Variants in LRRC41 observed in about 807,000 individuals in gnomAD.
LRRC41 encodes leucine-rich repeat-containing protein 41.
Under a neutral mutation model 72.1 loss-of-function variants are expected in LRRC41, and 17 were observed. That is an observed-to-expected ratio of 0.24 (90% CI 0.16 to 0.35). The LOEUF is 0.35. Ranked by LOEUF, LRRC41 falls within the 10% of genes least tolerant of loss-of-function variation. LRRC41 has a pLI of 1.00. For missense variants in LRRC41, 759 were observed against 1,065.0 expected (o/e 0.71, Z 4.00); for synonymous variants, 427 against 431.0 (o/e 0.99, Z 0.11).
In LRRC41 at chr1:46,278,775, T is replaced by C. The variant is rs759336899; in HGVS notation, c.*90A>G. 40 of 1,245,002 alleles carry C rather than the reference T, an allele frequency of 3.2e-5. No homozygotes were observed. Among genetic ancestry groups the C allele is most frequent in the African/African-American group, 7.5e-5 (5 of 66,978 alleles). The allele number at this position is 1,245,002 out of a possible 1,614,324, so 77.1% of individuals were successfully genotyped here. On this transcript the variant is annotated 3_prime_UTR_variant, in exon 10 of 10. Coordinates refer to ENST00000617190, the MANE Select transcript of LRRC41 (RefSeq NM_006369.5). ...AAAAAAGGTGACAGAAAGAGAAAGA[T>C]AGAACTGGTGGTTGGGGTTCTGGGC...
rs747263784 is a variant in LRRC41 at position 46,286,467 on chromosome 1, C to T, written c.390G>A (p.Glu130=). The T allele has an allele frequency of 8.1e-6, 13 of 1,603,160 alleles. No individual in the cohort carries two copies. The Admixed American group carries it at 2.2e-4, about 28-fold the overall frequency. Reference sequence around the variant, plus strand: ...CACGTAGAACATGGGAAAAAAAGGCCTCCATAAACTTGGCTCGCCAACATG... The same window carrying T: ...CACGTAGAACATGGGAAAAAAAGGCTTCCATAAACTTGGCTCGCCAACATG... ...SVTCWRAKFM[E]AFFSHVLRGT... Residue 130 remains glutamate, a synonymous_variant, in exon 4 of 10, where the codon GAG becomes GAA. Coordinates refer to ENST00000617190, the MANE Select transcript of LRRC41 (RefSeq NM_006369.5). This position sits in a 1 kb window ranked among gnomAD's most constrained non-coding sequence, Gnocchi z 5.5.
At chr1:46,280,159 A>C in intron 7 of LRRC41, 33 bp downstream of exon 7, 1 of 1,527,588 alleles carries the variant, frequency 6.5e-7, no homozygotes, top group Non-Finnish European at 9.1e-7. Context: ...GTGAAGACCC[A>C]GGAAATGTCC....
intron 3 of LRRC41, among the ~76,000 whole-genome samples, chr1:46,290,921 T>G (rs866932798): frequency 0.023 from 2,472 of 108,402 alleles, 57 homozygotes; most frequent in African/African-American, 0.058. Context: ...TTCTAGTTTT[T>G]TTTTTTTTTT....
At chr1:46,292,356 C>T (rs373892859) in intron 3 of LRRC41, among the ~76,000 whole-genome samples, 3 of 151,964 alleles carry the variant, frequency 2.0e-5, no homozygotes, top group East Asian at 3.9e-4. Flanking sequence ...CCTTGGTGTT[C>T]TAAAGTCTGG....
At chr1:46,281,035 TC>T in intron 5 of LRRC41, 89 bp downstream of exon 5, 1 of 1,532,198 alleles carries the variant, frequency 6.5e-7, no homozygotes, top group Non-Finnish European at 8.9e-7. Flanking sequence ...ATAGAAGAGG[TC>T]CTTCCCCTTT....
In LRRC41 at chr1:46,303,430, C is replaced by A. The variant is rs937275066; in HGVS notation, c.-108G>T. ...GATATGGGGAAGAATGTGAATTATT[C>A]TAAAGAAATTTCGAAGAAATTAGCA... On this transcript the variant is annotated 5_prime_UTR_variant, in exon 1 of 10. Coordinates refer to ENST00000617190, the MANE Select transcript of LRRC41 (RefSeq NM_006369.5). 4 of 1,115,268 alleles carry A rather than the reference C, an allele frequency of 3.6e-6. No homozygotes were observed. The African/African-American group carries it at 6.4e-5, about 18-fold the overall frequency. The allele number at this position is 1,115,268 out of a possible 1,614,324, so 69.1% of individuals were successfully genotyped here.
chr1:46,298,400 T>C (rs767526676), intron 1 of LRRC41, 30 bp from the exon 2 acceptor site: 1 of 1,413,428 alleles, frequency 7.1e-7, no homozygotes, highest in East Asian at 2.3e-5. Context: ...AGTTTACTTT[T>C]CCTCCCCTCC....
chr1:46,285,563 T>C lies in LRRC41; in HGVS notation c.1294A>G (p.Ile432Val), dbSNP rs769057289. 8.1e-6 allele frequency: 13 copies of C among 1,613,626 alleles called. No homozygotes were observed. In the South Asian group the frequency reaches 1.3e-4, roughly 16 times the overall value. The change falls in exon 4 of 10, where the codon ATT becomes GTT. Residue 432 changes from isoleucine to valine, a missense_variant. Physicochemically the swap from Ile to Val is conservative, Grantham distance 29. Coordinates refer to ENST00000617190, the MANE Select transcript of LRRC41 (RefSeq NM_006369.5). The surrounding 1 kb of genome is among the most constrained non-coding windows in gnomAD (Gnocchi z 5.3). The part of the protein sequence containing the change: ...GEKEDGEEME[I>V]GEVACGALDG... The stretch of plus-strand genomic sequence containing the variant: ...AAAGCTCCACAAGCCACTTCCCCAA[T>C]CTCCATCTCTTCGCCATCCTCCTTC...
At position 46,277,876 on chromosome 1, in the gene LRRC41, C is replaced by CTG; in HGVS notation, c.*987_*988dup. 1 of 1,613,918 alleles carries CTG rather than the reference C, an allele frequency of 6.2e-7. No homozygotes were observed. Among genetic ancestry groups the CTG allele is most frequent in the Non-Finnish European group, 8.5e-7 (1 of 1,179,840 alleles). On this transcript the variant is annotated 3_prime_UTR_variant, in exon 10 of 10. Coordinates refer to ENST00000617190, the MANE Select transcript of LRRC41 (RefSeq NM_006369.5). Reference sequence around the variant, plus strand: ...AGAGCCACAAGAAGGCACTGAGCAGCTGTGTGGTGGATGAGGAGCAGGATG... The same window carrying CTG: ...AGAGCCACAAGAAGGCACTGAGCAGCTGTGTGTGGTGGATGAGGAGCAGGATG...
Position 46,278,133 on chromosome 1 carries a change from T to C in LRRC41, c.*732A>G, listed in dbSNP as rs756966502. 1.2e-6 allele frequency: 2 copies of C among 1,613,836 alleles called. No individual in the cohort carries two copies. Among genetic ancestry groups the C allele is most frequent in the Non-Finnish European group, 8.5e-7 (1 of 1,179,938 alleles). On this transcript the variant is annotated 3_prime_UTR_variant, in exon 10 of 10. Transcript: ENST00000617190. ...CCGGCCACCCCCTGATGGTTCTGACTGCACTTCAGACCTGGCAGGGTGGAA... is the reference window on the plus strand; with the variant it reads ...CCGGCCACCCCCTGATGGTTCTGACCGCACTTCAGACCTGGCAGGGTGGAA...
chr1:46,280,050 G>A (rs2148311640), intron 7 of LRRC41, 142 bp downstream of exon 7: 3 of 666,396 alleles, frequency 4.5e-6, no homozygotes, highest in Middle Eastern at 7.0e-4. Flanking sequence ...GGGGCTTTTA[G>A]AAGGAAAATC....
chr1:46,289,518 T>C (rs769629267), intron 3 of LRRC41, among the ~76,000 whole-genome samples: 5 of 152,064 alleles, frequency 3.3e-5, no homozygotes, highest in Non-Finnish European at 7.4e-5. Context: ...TCCCAGCACT[T>C]TGGGAGGCCG....
At position 46,285,110 on chromosome 1, in the gene LRRC41, ATTCT is replaced by A; in HGVS notation, c.1495+248_1495+251del. The A allele has an allele frequency of 1.9e-6, 1 of 539,552 alleles. No homozygotes were observed. The highest frequency in any genetic ancestry group is 3.4e-6 in the Non-Finnish European group (1 of 297,346). The allele number at this position is 539,552 out of a possible 1,614,324, so 33.4% of individuals were successfully genotyped here. A position where few individuals can be genotyped will look rare whatever the true frequency, so the allele number is the denominator to read the frequency against. Reference sequence around the variant, plus strand: ...TGCCTTCCATATCTAAAATGTATTCATTCTTCAGATTCCAGCTGGCTTGTCTCAC... The same window carrying A: ...TGCCTTCCATATCTAAAATGTATTCATCAGATTCCAGCTGGCTTGTCTCAC... On this transcript the variant is annotated intron_variant, in intron 4 of 9. Coordinates refer to ENST00000617190, the MANE Select transcript of LRRC41 (RefSeq NM_006369.5). This position sits in a 1 kb window ranked among gnomAD's most constrained non-coding sequence, Gnocchi z 5.3.
At position 46,285,729 on chromosome 1, in the gene LRRC41, C is replaced by T; in HGVS notation, c.1128G>A (p.Arg376=). ...SASSSTSSYK[R]APASSAPQPK... ...GCTGTGGGGCTGAGCTAGCTGGTGCCCGTTTGTATGAGGATGTAGAAGAAG... is the reference window on the plus strand; with the variant it reads ...GCTGTGGGGCTGAGCTAGCTGGTGCTCGTTTGTATGAGGATGTAGAAGAAG... The change falls in exon 4 of 10, where the codon CGG becomes CGA. Residue 376 remains arginine, a synonymous_variant. Coordinates refer to ENST00000617190, the MANE Select transcript of LRRC41 (RefSeq NM_006369.5). The surrounding 1 kb of genome is among the most constrained non-coding windows in gnomAD (Gnocchi z 5.3). The T allele has an allele frequency of 2.5e-6, 4 of 1,607,786 alleles. No individual in the cohort carries two copies. The highest frequency in any genetic ancestry group is 3.4e-6 in the Non-Finnish European group (4 of 1,177,020).
At chr1:46,290,178 T>A (rs1660977545) in intron 3 of LRRC41, among the ~76,000 whole-genome samples, 1 of 152,156 alleles carries the variant, frequency 6.6e-6, no homozygotes. Context: ...GATGCCAAGG[T>A]GGGCAGATTG....
At chr1:46,301,787 C>A (rs1356359342) in intron 1 of LRRC41, among the ~76,000 whole-genome samples, 1 of 152,056 alleles carries the variant, frequency 6.6e-6, no homozygotes, top group African/African-American at 2.4e-5. Flanking sequence ...CCTGGTGGAA[C>A]CTCCCCCGCG....
Position 46,298,615 on chromosome 1 carries a change from T to C in LRRC41, c.200-245A>G, listed in dbSNP as rs974270050. 5.9e-5 allele frequency: 23 copies of C among 386,600 alleles called. No individual in the cohort carries two copies. The East Asian group carries it at 1.1e-3, about 18-fold the overall frequency. 23.9% of individuals were successfully genotyped at this position (386,600 alleles called of 1,614,324 possible). A position where few individuals can be genotyped will look rare whatever the true frequency, so the allele number is the denominator to read the frequency against. ...CATCCCACAAAACAAGCTGACATGC[T>C]AAATGAGCTTGACATGCTTATTTAG... On this transcript the variant is annotated intron_variant, in intron 1 of 9. Coordinates refer to ENST00000617190, the MANE Select transcript of LRRC41 (RefSeq NM_006369.5).
In LRRC41 at chr1:46,277,658, G is replaced by C. The variant is rs1350153162; in HGVS notation, c.*1207C>G. The C allele has an allele frequency of 2.5e-6, 2 of 807,736 alleles. No individual in the cohort carries two copies. Among genetic ancestry groups the C allele is most frequent in the Non-Finnish European group, 4.0e-6 (2 of 501,158 alleles). The allele number at this position is 807,736 out of a possible 1,614,324, so 50.0% of individuals were successfully genotyped here. A position where few individuals can be genotyped will look rare whatever the true frequency, so the allele number is the denominator to read the frequency against. On this transcript the variant is annotated 3_prime_UTR_variant, in exon 10 of 10. Coordinates refer to ENST00000617190, the MANE Select transcript of LRRC41 (RefSeq NM_006369.5). Reference sequence around the variant, plus strand: ...TCTCAGGAGACAGACTGGGAAAATGGACCTCAGCTGAGTAGAGATAATGTT... The same window carrying C: ...TCTCAGGAGACAGACTGGGAAAATGCACCTCAGCTGAGTAGAGATAATGTT...
rs1375928832 is a variant in LRRC41, at chr1:46,285,239, A to G, written c.1495+123T>C. The G allele has an allele frequency of 3.4e-6, 3 of 889,310 alleles. No homozygotes were observed. The highest frequency in any genetic ancestry group is 4.3e-5 in the Admixed American group (2 of 46,510). The allele number at this position is 889,310 out of a possible 1,614,324, so 55.1% of individuals were successfully genotyped here. A position where few individuals can be genotyped will look rare whatever the true frequency, so the allele number is the denominator to read the frequency against. On this transcript the variant is annotated intron_variant, in intron 4 of 9. Transcript: ENST00000617190. This position sits in a 1 kb window ranked among gnomAD's most constrained non-coding sequence, Gnocchi z 5.3. ...AGTCTCCCCTGCTATGAGGCATACA[A>G]GCCTTCCTCTCTAACCTCCTGATCA...
Sources: allele counts gnomAD v4.1 joint callset (sites outside exome capture counted in the v4.1 genomes callset), GRCh38; gene constraint gnomAD v4.1.1; non-coding constraint Gnocchi (gnomAD v3.1); transcripts MANE v1.5; gene names NCBI Gene and HGNC (gene_info 2026-07-23, HGNC 2026-07-21).